The following RSU1 variants were observed in gnomAD, a reference collection of about 807,000 sequenced individuals.
RSU1 encodes Ras suppressor protein 1.
In RSU1, 26 loss-of-function variants were observed where a neutral mutation model predicts 31.1. That is an observed-to-expected ratio of 0.84 (90% CI 0.61 to 1.16). The LOEUF (loss-of-function observed/expected upper bound fraction) is 1.16. Among genes scored for constraint, RSU1 ranks in the 50% most tolerant of loss-of-function variants. The pLI, the probability that RSU1 is intolerant of heterozygous loss-of-function variation, is 0.00. For missense variants in RSU1, 320 were observed against 339.1 expected (o/e 0.94, Z 0.44); for synonymous variants, 164 against 136.3 (o/e 1.20, Z -1.41).
At chr10:16,757,309 A>G (rs758194522) in intron 4 of RSU1, among the ~76,000 whole-genome samples, 8 of 152,152 alleles carry the variant, frequency 5.3e-5, no homozygotes, top group Non-Finnish European at 8.8e-5. Context: ...GACAATAAAA[A>G]TCATTCTAGC....
At chr10:16,705,882 T>C (rs1470390203) in intron 7 of RSU1, among the ~76,000 whole-genome samples, 2 of 152,158 alleles carry the variant, frequency 1.3e-5, no homozygotes, top group African/African-American at 4.8e-5. Flanking sequence ...GCTCAAGCAA[T>C]CCTCCTACCT....
chr10:16,693,454 A>G (rs563296042), intron 8 of RSU1, among the ~76,000 whole-genome samples: 2 of 151,084 alleles, frequency 1.3e-5, no homozygotes, highest in African/African-American at 2.4e-5. Context: ...GGTTTTCTTG[A>G]GTGTGGGACA....
At chr10:16,660,549 CTA>C (rs1266111498) in intron 8 of RSU1, among the ~76,000 whole-genome samples, 1 of 151,630 alleles carries the variant, frequency 6.6e-6, no homozygotes, top group Non-Finnish European at 1.5e-5. Flanking sequence ...TTTGTCATCC[CTA>C]TGTCTTACTC....
At chr10:16,634,583 T>A (rs997418632) in intron 8 of RSU1, among the ~76,000 whole-genome samples, 1 of 152,252 alleles carries the variant, frequency 6.6e-6, no homozygotes, top group African/African-American at 2.4e-5. Context: ...CCTCTGCATC[T>A]TATGTTCTAG....
chr10:16,608,510 C>T (rs1458016893), intron 8 of RSU1, among the ~76,000 whole-genome samples: 2 of 152,098 alleles, frequency 1.3e-5, no homozygotes, highest in East Asian at 3.9e-4. Flanking sequence ...TACCTTTTCC[C>T]ACTTCCCTGG....
At position 16,608,446 on chromosome 10, in the gene RSU1, C is replaced by T. The variant is rs111679452; in HGVS notation, c.732-14950G>A. 5.5e-3 allele frequency among the ~76,000 whole-genome samples: 837 copies of T among 152,230 alleles called. 8 individuals are homozygous for T. The highest frequency in any genetic ancestry group is 0.019 in the African/African-American group (788 of 41,542). On this transcript the variant is annotated intron_variant, in intron 8 of 8. Coordinates refer to ENST00000345264, the MANE Select transcript of RSU1 (RefSeq NM_012425.4). Reference sequence around the variant, plus strand: ...ACTACCTACATGTGCATTATCCATGCGGCTCTCACCAGGTGAGCTTTAGGC... The same window carrying T: ...ACTACCTACATGTGCATTATCCATGTGGCTCTCACCAGGTGAGCTTTAGGC...
intron 7 of RSU1, among the ~76,000 whole-genome samples, chr10:16,739,891 G>A (rs920375822): frequency 5.9e-5 from 9 of 152,226 alleles, no homozygotes; most frequent in Non-Finnish European, 1.3e-4. Flanking sequence ...GATTACAGGC[G>A]TGAGCCACCG....
rs143132323 is a variant in RSU1 at position 16,650,025 on chromosome 10, T to C, written c.731+44998A>G. On this transcript the variant is annotated intron_variant, in intron 8 of 8. Transcript: ENST00000345264. ...CATTTCTCATCACTGACAAACACAG[T>C]TGTAGAGCGCTTTGTAAAATTACAC... Among the ~76,000 whole-genome samples, 518 of 152,306 alleles carry C rather than the reference T, an allele frequency of 3.4e-3. 4 individuals are homozygous for C. Among genetic ancestry groups the C allele is most frequent in the African/African-American group, 0.012 (493 of 41,572 alleles).
intron 8 of RSU1, among the ~76,000 whole-genome samples, chr10:16,633,469 A>C (rs886368492): frequency 2.0e-5 from 3 of 152,188 alleles, no homozygotes; most frequent in South Asian, 4.2e-4. Flanking sequence ...GGAAAAAAAA[A>C]CATCCAGAGC....
chr10:16,791,901 A>G (rs932189251), intron 2 of RSU1, among the ~76,000 whole-genome samples: 1 of 152,160 alleles, frequency 6.6e-6, no homozygotes, highest in Non-Finnish European at 1.5e-5. Context: ...ATAGTTTTCA[A>G]TCTGGCAAAT....
intron 8 of RSU1, among the ~76,000 whole-genome samples, chr10:16,663,028 C>T (rs139359024): frequency 1.5e-4 from 22 of 150,776 alleles, no homozygotes; most frequent in African/African-American, 4.6e-4. Context: ...ATTTGCTCAG[C>T]GTAGAAACAG....
intron 7 of RSU1, among the ~76,000 whole-genome samples, chr10:16,735,846 G>C (rs760170537): frequency 6.6e-6 from 1 of 152,128 alleles, no homozygotes; most frequent in African/African-American, 2.4e-5. Context: ...CCCATATGTG[G>C]AGATTATGGA....
At chr10:16,783,420 A>G (rs1178759554) in intron 2 of RSU1, among the ~76,000 whole-genome samples, 2 of 143,478 alleles carry the variant, frequency 1.4e-5, no homozygotes, top group East Asian at 2.0e-4. Flanking sequence ...CAGCCACGCA[A>G]TCTCAGCTCA....
chr10:16,645,881 T>TAGGAGA (rs1834533270), intron 8 of RSU1, among the ~76,000 whole-genome samples: 1 of 101,066 alleles, frequency 9.9e-6, no homozygotes, highest in African/African-American at 5.4e-5. Flanking sequence ...CATATATGTG[T>TAGGAGA]ATATACATAT....
At chr10:16,804,748 T>C (rs1290917201) in intron 2 of RSU1, among the ~76,000 whole-genome samples, 1 of 152,178 alleles carries the variant, frequency 6.6e-6, no homozygotes, top group East Asian at 1.9e-4. Context: ...TCCAGCTATA[T>C]GACATTCTGG....
chr10:16,602,393 C>T (rs1833727796), intron 8 of RSU1, among the ~76,000 whole-genome samples: 1 of 152,202 alleles, frequency 6.6e-6, no homozygotes, highest in South Asian at 2.1e-4. Context: ...CATTATTTGT[C>T]AGATGAGGAA....
At chr10:16,688,610 A>C (rs1221773408) in intron 8 of RSU1, among the ~76,000 whole-genome samples, 2 of 152,234 alleles carry the variant, frequency 1.3e-5, no homozygotes, top group Non-Finnish European at 2.9e-5. Flanking sequence ...CTCCGTCTCA[A>C]AAAAAGAAAA....
chr10:16,603,214 G>T (rs1348441052), intron 8 of RSU1, among the ~76,000 whole-genome samples: 2 of 152,082 alleles, frequency 1.3e-5, no homozygotes, highest in African/African-American at 4.8e-5. Context: ...CAGCCACAAC[G>T]AAATGTGTAG....
In RSU1 at chr10:16,695,157, T is replaced by TGGGGGG. The variant is rs56715139; in HGVS notation, c.599-8_599-3dup. On this transcript the variant is annotated splice_polypyrimidine_tract_variant and splice_region_variant and intron_variant, in intron 7 of 8. Coordinates refer to ENST00000345264, the MANE Select transcript of RSU1 (RefSeq NM_012425.4). Reference sequence around the variant, plus strand: ...TCTGGCCAGTTAAATCCAAGTTTCCTGGGGGGGGGGAAAAAAAAAGTGAAG... The same window carrying TGGGGGG: ...TCTGGCCAGTTAAATCCAAGTTTCCTGGGGGGGGGGGGGGGGAAAAAAAAAGTGAAG... 7 of 1,204,630 alleles carry TGGGGGG rather than the reference T, an allele frequency of 5.8e-6. No individual in the cohort carries two copies. The highest frequency in any genetic ancestry group is 3.3e-5 in the African/African-American group (2 of 60,116). 74.6% of individuals were successfully genotyped at this position (1,204,630 alleles called of 1,614,324 possible).
Sources: allele counts gnomAD v4.1 joint callset (sites outside exome capture counted in the v4.1 genomes callset), GRCh38; gene constraint gnomAD v4.1.1; transcripts MANE v1.5; gene names NCBI Gene and HGNC (gene_info 2026-07-23, HGNC 2026-07-21).